NUP210L: variants seen among roughly 807,000 people sequenced by gnomAD.
NUP210L encodes nuclear pore membrane glycoprotein 210-like.
A neutral mutation model predicts 208.5 loss-of-function variants in NUP210L; 74 were observed. The observed-to-expected ratio is 0.35, with a 90% CI of 0.29 to 0.43. The LOEUF is 0.43. Among genes scored for constraint, NUP210L ranks in the 20% least tolerant of loss-of-function variants. The pLI is 1.00. For synonymous variants in NUP210L, 780 were observed against 816.9 expected (o/e 0.95, Z 0.77); for missense variants, 1,843 against 2,289.4 (o/e 0.81, Z 3.98).
chr1:154,051,028 A>G (rs537149948), intron 25 of NUP210L, among the ~76,000 whole-genome samples: 4 of 152,324 alleles, frequency 2.6e-5, no homozygotes, highest in Admixed American at 2.6e-4. Flanking sequence ...GCTCAGCTAC[A>G]ATTCCACACT....
chr1:154,113,962 G>A (rs1346156291), intron 12 of NUP210L, among the ~76,000 whole-genome samples: 5 of 151,210 alleles, frequency 3.3e-5, no homozygotes, highest in African/African-American at 1.2e-4. Context: ...GGCTAACATG[G>A]TGAAACCCCG....
chr1:154,010,870 C>CAAATAAAT (rs151119528), intron 34 of NUP210L, among the ~76,000 whole-genome samples: 125 of 151,472 alleles, frequency 8.3e-4, no homozygotes, highest in African/African-American at 2.5e-3. Context: ...AACTCCGTCT[C>CAAATAAAT]AAATAAATAA....
At chr1:154,136,111 T>G in intron 6 of NUP210L, 139 bp from the exon 7 acceptor site, 1 of 646,560 alleles carries the variant, frequency 1.5e-6, no homozygotes. Context: ...TTTCCTGCTA[T>G]GATGAATTTC....
At chr1:154,013,021 A>C (rs1300591705) in intron 33 of NUP210L, among the ~76,000 whole-genome samples, 1 of 150,152 alleles carries the variant, frequency 6.7e-6, no homozygotes, top group Middle Eastern at 3.5e-3. Context: ...AAAAAAAAAA[A>C]AAACAAAGAC....
chr1:154,033,677 A>G (rs2147948385), intron 27 of NUP210L, among the ~76,000 whole-genome samples: 1 of 152,306 alleles, frequency 6.6e-6, no homozygotes, highest in South Asian at 2.1e-4. Flanking sequence ...GAAGTCAGGT[A>G]ATATGAGTCT....
At chr1:154,149,087 C>CTTTTTTTTTTTTTTTTTTTTTT (rs770217261) in intron 2 of NUP210L, among the ~76,000 whole-genome samples, 1 of 119,362 alleles carries the variant, frequency 8.4e-6, no homozygotes, top group African/African-American at 3.1e-5. Flanking sequence ...GAAAACTTCT[C>CTTTTTTTTTTTTTTTTTTTTTT]TTTTTTTTTT....
In NUP210L at chr1:154,138,046, C is replaced by T. The variant is rs937603215; in HGVS notation, c.850+60G>A. On this transcript the variant is annotated intron_variant, in intron 6 of 39. Coordinates refer to ENST00000368559, the Ensembl canonical transcript of NUP210L. ...TCATATGTAATGTGGAGTTGCTGAT[C>T]TTGTCAGCAGAAAAGATTTGGGAAA... 9.5e-6 allele frequency: 12 copies of T among 1,267,786 alleles called. No homozygotes were observed. In the South Asian group the frequency reaches 1.2e-4, roughly 12 times the overall value. 78.5% of individuals were successfully genotyped at this position (1,267,786 alleles called of 1,614,324 possible). A position where few individuals can be genotyped will look rare whatever the true frequency, so the allele number is the denominator to read the frequency against.
intron 25 of NUP210L, among the ~76,000 whole-genome samples, chr1:154,051,818 T>A (rs985742233): frequency 2.6e-5 from 4 of 152,222 alleles, no homozygotes; most frequent in African/African-American, 9.6e-5. Context: ...AAACATCACC[T>A]TTTGCAGTGT....
At chr1:154,012,475 C>A in intron 33 of NUP210L, 105 bp from the exon 34 acceptor site, 1 of 1,066,754 alleles carries the variant, frequency 9.4e-7, no homozygotes, top group East Asian at 2.4e-5. Context: ...CTGTTTCACA[C>A]AAGTACAGAT....
chr1:154,128,640 C>G (rs902010513), intron 8 of NUP210L, among the ~76,000 whole-genome samples: 7 of 152,046 alleles, frequency 4.6e-5, no homozygotes, highest in Non-Finnish European at 8.8e-5. Flanking sequence ...CGCTTGAGCT[C>G]AGGAGTTTGA....
intron 10 of NUP210L, among the ~76,000 whole-genome samples, chr1:154,125,956 G>C (rs1657942655): frequency 6.6e-6 from 1 of 150,970 alleles, no homozygotes; most frequent in Admixed American, 6.6e-5. Context: ...TTTTAGTAGA[G>C]ACGGGGTTTC....
chr1:154,143,211 A>G (rs1257093502), intron 3 of NUP210L, among the ~76,000 whole-genome samples: 2 of 152,010 alleles, frequency 1.3e-5, no homozygotes, highest in African/African-American at 2.4e-5. Flanking sequence ...CAAAAAAAAA[A>G]AAAAGAAAGG....
intron 23 of NUP210L, among the ~76,000 whole-genome samples, chr1:154,055,273 A>T (rs1653803888): frequency 6.9e-6 from 1 of 143,920 alleles, no homozygotes; most frequent in African/African-American, 2.6e-5. Flanking sequence ...CTTTTTGAGA[A>T]GGAGTTTCGC....
chr1:153,995,931 T>G, intron 37 of NUP210L: 2 of 515,444 alleles, frequency 3.9e-6, no homozygotes, highest in Admixed American at 4.3e-5. Flanking sequence ...TGTGAAAGTG[T>G]CGAAGGCACA....
intron 3 of NUP210L, among the ~76,000 whole-genome samples, chr1:154,141,808 A>G (rs1197513336): frequency 1.3e-5 from 2 of 152,182 alleles, no homozygotes; most frequent in Non-Finnish European, 2.9e-5. Flanking sequence ...TTCTACATAA[A>G]GGCCACCTCA....
chr1:154,095,104 A>G (rs1254235699), exon 15 of NUP210L: 1 of 1,614,058 alleles, frequency 6.2e-7, no homozygotes, highest in Admixed American at 1.7e-5. Context: ...TTCAAATACC[A>G]TTTCCTTCAC....
intron 10 of NUP210L, among the ~76,000 whole-genome samples, chr1:154,121,854 G>C (rs1557991733): frequency 1.3e-5 from 2 of 150,154 alleles, no homozygotes; most frequent in African/African-American, 4.9e-5. Flanking sequence ...GCAACAGTAA[G>C]ACTCCATCTC....
At chr1:154,153,805 A>C (rs1480841637) in intron 1 of NUP210L, among the ~76,000 whole-genome samples, 1 of 152,192 alleles carries the variant, frequency 6.6e-6, no homozygotes, top group Non-Finnish European at 1.5e-5. Flanking sequence ...GATGCCTTGC[A>C]TCACCCTCAC....
At chr1:154,012,007 G>A (rs1464784152) in intron 34 of NUP210L, among the ~76,000 whole-genome samples, 1 of 152,030 alleles carries the variant, frequency 6.6e-6, no homozygotes, top group Non-Finnish European at 1.5e-5. Context: ...ACCGCGCCCG[G>A]CCTAAAATTT....
Sources: gnomAD v4.1 joint callset for allele counts (sites outside exome capture counted in the v4.1 genomes callset) on GRCh38, gnomAD v4.1.1 for gene constraint, MANE v1.5 for transcripts, NCBI Gene and HGNC (gene_info 2026-07-23, HGNC 2026-07-21) for gene names.